The following NXPH2 variants were observed in gnomAD, a reference collection of about 807,000 sequenced individuals.
The protein encoded by NXPH2 is neurexophilin 2.
In NXPH2, 5 loss-of-function variants were observed where a neutral mutation model predicts 19.8. That is an observed-to-expected ratio of 0.25 (90% CI 0.13 to 0.53). NXPH2 has a LOEUF of 0.53. Among genes scored for constraint, NXPH2 ranks in the 20% least tolerant of loss-of-function variants. The pLI is 0.96. For synonymous variants in NXPH2, 154 were observed against 127.4 expected (o/e 1.21, Z -1.41); for missense variants, 289 against 322.8 (o/e 0.90, Z 0.80).
At chr2:138,706,336 T>C (rs1681008505) in intron 1 of NXPH2, among the ~76,000 whole-genome samples, 2 of 152,238 alleles carry the variant, frequency 1.3e-5, no homozygotes, top group South Asian at 4.1e-4. Context: ...CTATATTAAA[T>C]GACATGCTCT....
chr2:138,671,822 T>G (rs558834538), intron 1 of NXPH2, among the ~76,000 whole-genome samples, 157 bp from the exon 2 acceptor site: 11 of 152,314 alleles, frequency 7.2e-5, no homozygotes, highest in African/African-American at 2.6e-4. Context: ...TGTAACAAGA[T>G]AAGCATTTAA....
chr2:138,761,261 A>T (rs545013455), intron 1 of NXPH2, among the ~76,000 whole-genome samples: 4 of 152,248 alleles, frequency 2.6e-5, no homozygotes, highest in African/African-American at 9.6e-5. Context: ...GAAGGGTCCC[A>T]TTGCTAACCC....
chr2:138,723,596 G>C (rs2104995291), intron 1 of NXPH2, among the ~76,000 whole-genome samples: 1 of 152,270 alleles, frequency 6.6e-6, no homozygotes, highest in Non-Finnish European at 1.5e-5. Flanking sequence ...CATCTCACAG[G>C]CCCCCTGGCT....
chr2:138,775,791 A>G (rs1471613975), intron 1 of NXPH2, among the ~76,000 whole-genome samples: 1 of 152,136 alleles, frequency 6.6e-6, no homozygotes, highest in African/African-American at 2.4e-5. Flanking sequence ...GGAGCACTCA[A>G]AATCATTTGG....
chr2:138,738,543 G>A (rs1681589153), intron 1 of NXPH2, among the ~76,000 whole-genome samples: 1 of 152,094 alleles, frequency 6.6e-6, no homozygotes, highest in Admixed American at 6.5e-5. Flanking sequence ...GATTTTCATG[G>A]CACTGATAAA....
chr2:138,716,100 G>A (rs1428216984), intron 1 of NXPH2, among the ~76,000 whole-genome samples: 1 of 152,020 alleles, frequency 6.6e-6, no homozygotes, highest in Non-Finnish European at 1.5e-5. Flanking sequence ...TGGTGTTTCT[G>A]GTTTTAGTTT....
At chr2:138,742,212 G>A (rs1256150144) in intron 1 of NXPH2, among the ~76,000 whole-genome samples, 2 of 152,226 alleles carry the variant, frequency 1.3e-5, no homozygotes, top group South Asian at 2.1e-4. Context: ...CGTGTGAGAT[G>A]CCTCAGAGCT....
chr2:138,695,203 A>G (rs569494556), intron 1 of NXPH2, among the ~76,000 whole-genome samples: 28 of 152,300 alleles, frequency 1.8e-4, no homozygotes, highest in African/African-American at 6.7e-4. Context: ...TACCAAGGGA[A>G]AAGAATTCCA....
chr2:138,696,371 A>G (rs1680829193), intron 1 of NXPH2, among the ~76,000 whole-genome samples: 1 of 152,216 alleles, frequency 6.6e-6, no homozygotes, highest in Admixed American at 6.5e-5. Context: ...AAATATAATA[A>G]AGAACTCATC....
At chr2:138,759,912 A>C in intron 1 of NXPH2, among the ~76,000 whole-genome samples, 1 of 151,696 alleles carries the variant, frequency 6.6e-6, no homozygotes, top group East Asian at 1.9e-4. Context: ...TGTATTTTTA[A>C]TAGAGATGGG....
At chr2:138,696,941 T>C (rs1680837838) in intron 1 of NXPH2, among the ~76,000 whole-genome samples, 1 of 152,054 alleles carries the variant, frequency 6.6e-6, no homozygotes, top group Non-Finnish European at 1.5e-5. Flanking sequence ...ATAAAAATAG[T>C]AAACCTATCA....
intron 1 of NXPH2, among the ~76,000 whole-genome samples, chr2:138,748,229 C>T (rs1003673991): frequency 3.9e-5 from 6 of 152,134 alleles, no homozygotes; most frequent in African/African-American, 1.4e-4. Context: ...GCACTCTAGC[C>T]TCAGTTTCTA....
intron 1 of NXPH2, among the ~76,000 whole-genome samples, chr2:138,678,486 ATTT>A (rs35276129): frequency 2.0e-5 from 3 of 150,688 alleles, no homozygotes; most frequent in Admixed American, 6.6e-5. Flanking sequence ...TTGGTTTAGG[ATTT>A]TTTTTTTTTA....
chr2:138,694,200 C>A (rs1680792860), intron 1 of NXPH2, among the ~76,000 whole-genome samples: 1 of 152,162 alleles, frequency 6.6e-6, no homozygotes, highest in South Asian at 2.1e-4. Context: ...CTCAGTGGAG[C>A]ACTACACCGC....
chr2:138,733,420 A>G (rs1681482769), intron 1 of NXPH2, among the ~76,000 whole-genome samples: 1 of 152,248 alleles, frequency 6.6e-6, no homozygotes, highest in East Asian at 1.9e-4. Flanking sequence ...GAGGAAAGCC[A>G]TTAACCAAGT....
chr2:138,774,533 T>A (rs1573986339), intron 1 of NXPH2, among the ~76,000 whole-genome samples: 1 of 152,348 alleles, frequency 6.6e-6, no homozygotes, highest in African/African-American at 2.4e-5. Context: ...AGAACCCCTG[T>A]TACAACATAT....
chr2:138,759,440 C>T (rs1251488518), intron 1 of NXPH2, among the ~76,000 whole-genome samples: 5 of 151,922 alleles, frequency 3.3e-5, no homozygotes, highest in African/African-American at 7.3e-5. Flanking sequence ...TCCATGCTTG[C>T]TCCCTCATGT....
At chr2:138,725,296 A>G (rs6430803) in intron 1 of NXPH2, among the ~76,000 whole-genome samples, 28,004 of 152,140 alleles carry the variant, frequency 0.18, 2,644 homozygotes, top group East Asian at 0.24. Flanking sequence ...TTAAATGGAC[A>G]CTGAGCTTGC....
rs188811177 is a variant in NXPH2, at chr2:138,715,667, C to T, written c.52-44002G>A. Among the ~76,000 whole-genome samples, 18 of 152,246 alleles carry T rather than the reference C, an allele frequency of 1.2e-4. No individual in the cohort carries two copies. The South Asian group carries it at 1.2e-3, about 11-fold the overall frequency. ...GGAGGCTGGGAATCCTTACAATAGC[C>T]GAAGAAGGAGATCCTTATTCTGGCG... is the stretch of plus-strand genomic sequence containing the variant. On this transcript the variant is annotated intron_variant, in intron 1 of 1. Coordinates refer to ENST00000272641, the MANE Select transcript of NXPH2 (RefSeq NM_007226.3).
Sources: allele counts gnomAD v4.1 joint callset (sites outside exome capture counted in the v4.1 genomes callset), GRCh38; gene constraint gnomAD v4.1.1; transcripts MANE v1.5; gene names NCBI Gene and HGNC (gene_info 2026-07-23, HGNC 2026-07-21).